KDM5B: variants seen among roughly 807,000 people sequenced by gnomAD.
The protein encoded by KDM5B is lysine-specific demethylase 5B.
Under a neutral mutation model 193.4 loss-of-function variants are expected in KDM5B, and 144 were observed. The observed-to-expected ratio is 0.74, with a 90% CI of 0.65 to 0.86. KDM5B has a LOEUF of 0.86. Ranked by LOEUF, KDM5B falls within the 40% of genes least tolerant of loss-of-function variation. The pLI is 0.00. For synonymous variants in KDM5B, 668 were observed against 682.6 expected (o/e 0.98, Z 0.33); for missense variants, 1,833 against 1,886.9 (o/e 0.97, Z 0.53).
At chr1:202,775,317 C>T (rs1656896571) in intron 2 of KDM5B, among the ~76,000 whole-genome samples, 1 of 151,748 alleles carries the variant, frequency 6.6e-6, no homozygotes, top group Admixed American at 6.6e-5. Flanking sequence ...ACGGGTGAAT[C>T]ACGAGGTCAG....
intron 20 of KDM5B, among the ~76,000 whole-genome samples, chr1:202,738,999 G>A (rs1655199374): frequency 6.6e-6 from 1 of 152,148 alleles, no homozygotes; most frequent in South Asian, 2.1e-4. Flanking sequence ...TATTTCTTTT[G>A]TAGGGTTGGG....
rs986176639 is a variant in KDM5B at position 202,729,079 on chromosome 1, A to G, written c.4592T>C (p.Ile1531Thr). 1.2e-6 allele frequency: 2 copies of G among 1,614,070 alleles called. No individual in the cohort carries two copies. The highest frequency in any genetic ancestry group is 1.7e-6 in the Non-Finnish European group (2 of 1,179,986). ...GTCCTTCACAGTACAGCGCACACAG[A>G]TGTAGTCTTCTTTCTCTGCCATCTC... ...SPEMAEKEDY[I>T]CVRCTVKDAP... The change falls in exon 27 of 27, where the codon ATC becomes ACC. Residue 1531 changes from isoleucine (I) to threonine (T), a missense_variant. Physicochemically the swap from Ile to Thr is moderately conservative, Grantham distance 89. This residue lies in a region of KDM5B where 1,379 missense variants were observed against 1,349.6 expected (regional missense o/e 1.02). Transcript: ENST00000367265.
intron 1 of KDM5B, among the ~76,000 whole-genome samples, chr1:202,794,953 C>T (rs1222507908): frequency 2.0e-5 from 3 of 152,158 alleles, no homozygotes; most frequent in Non-Finnish European, 4.4e-5. Flanking sequence ...TGGCTCACAC[C>T]TGTAATCCCA....
intron 14 of KDM5B, among the ~76,000 whole-genome samples, chr1:202,747,008 T>C (rs1655585971): frequency 6.6e-6 from 1 of 152,164 alleles, no homozygotes; most frequent in Non-Finnish European, 1.5e-5. Flanking sequence ...GGATACACCT[T>C]TTGTCATTTA....
intron 1 of KDM5B, among the ~76,000 whole-genome samples, chr1:202,784,962 A>G (rs1212311919): frequency 9.9e-5 from 15 of 151,332 alleles, no homozygotes; most frequent in Non-Finnish European, 4.4e-5. Flanking sequence ...TGAACCTGGG[A>G]GGCAAAGACT....
At chr1:202,741,904 T>C (rs1655358472) in intron 18 of KDM5B, among the ~76,000 whole-genome samples, 182 bp from the exon 19 acceptor site, 2 of 151,930 alleles carry the variant, frequency 1.3e-5, no homozygotes, top group Admixed American at 6.6e-5. Flanking sequence ...ACAGACACCT[T>C]ATCCCAGCTT....
chr1:202,808,082 G>C lies in KDM5B; in HGVS notation c.204+20C>G. ...CCTCCCCCAGCCACGAGCTGGATCCGGGGTGCTGGCGTGACTCACCGGCGG... is the reference window on the plus strand; with the variant it reads ...CCTCCCCCAGCCACGAGCTGGATCCCGGGTGCTGGCGTGACTCACCGGCGG... On this transcript the variant is annotated intron_variant, in intron 1 of 26. Transcript: ENST00000367265. 6.2e-7 allele frequency: 1 copy of C among 1,605,404 alleles called. No individual in the cohort carries two copies. Among genetic ancestry groups the C allele is most frequent in the Non-Finnish European group, 8.5e-7 (1 of 1,176,574 alleles).
intron 23 of KDM5B, among the ~76,000 whole-genome samples, 153 bp downstream of exon 23, chr1:202,733,248 A>G (rs1472137131): frequency 1.3e-5 from 2 of 152,250 alleles, no homozygotes; most frequent in African/African-American, 2.4e-5. Context: ...TTATACCTGC[A>G]TGGTCTTGAA....
intron 1 of KDM5B, among the ~76,000 whole-genome samples, chr1:202,786,166 A>T (rs1572767202): frequency 9.3e-6 from 1 of 107,104 alleles, no homozygotes; most frequent in Admixed American, 1.1e-4. Flanking sequence ...TGACCAGCTA[A>T]TTTTTTTTTT....
intron 20 of KDM5B, 45 bp from the exon 21 acceptor site, chr1:202,736,437 T>A (rs764586760): frequency 1.7e-5 from 24 of 1,431,936 alleles, no homozygotes; most frequent in Non-Finnish European, 2.2e-5. Context: ...AAAAGAACAC[T>A]TCTATGAAAA....
At chr1:202,761,259 G>A (rs192727372) in intron 7 of KDM5B, among the ~76,000 whole-genome samples, 7 of 152,068 alleles carry the variant, frequency 4.6e-5, no homozygotes, top group Admixed American at 2.6e-4. Context: ...GCAACATGGC[G>A]AGACACTGTC....
Position 202,741,655 on chromosome 1 carries a change from C to T in KDM5B, c.2657G>A (p.Ser886Asn), listed in dbSNP as rs1572714550. 2 of 1,614,092 alleles carry T rather than the reference C, an allele frequency of 1.2e-6. No individual in the cohort carries two copies. Among genetic ancestry groups the T allele is most frequent in the Non-Finnish European group, 1.7e-6 (2 of 1,179,988 alleles). ...SQKLLSEETP[S>N]AAELQDLLDV... is the part of the protein sequence containing the mutation. The stretch of plus-strand genomic sequence containing the variant: ...TAGCAAGTCCTGCAGCTCCGCAGCA[C>T]TAGGCGTTTCCTCAGAGAGTAGTTT... The change falls in exon 19 of 27, where the codon AGT becomes AAT. Residue 886 changes from serine (S) to asparagine (N), a missense_variant. Ser to Asn is a conservative substitution (Grantham distance 46). Coordinates refer to ENST00000367265, the MANE Select transcript of KDM5B (RefSeq NM_006618.5).
chr1:202,726,569 T>G lies in KDM5B; in HGVS notation c.*2467A>C, dbSNP rs1389133732. On this transcript the variant is annotated 3_prime_UTR_variant, in exon 27 of 27. Coordinates refer to ENST00000367265, the MANE Select transcript of KDM5B (RefSeq NM_006618.5). ...TGGTTCAGGCTCTAACTTAACACAG[T>G]CCCTTCCCCTCTCCCACCTCACAAA... The G allele has an allele frequency of 6.6e-6, 1 of 152,100 alleles. No individual in the cohort carries two copies. The highest frequency in any genetic ancestry group is 1.9e-4 in the East Asian group (1 of 5,190). 9.4% of individuals were successfully genotyped at this position (152,100 alleles called of 1,614,324 possible). A position where few individuals can be genotyped will look rare whatever the true frequency, so the allele number is the denominator to read the frequency against.
chr1:202,750,701 A>T lies in KDM5B; in HGVS notation c.1779T>A (p.Gly593=), dbSNP rs573836928. 3.1e-6 allele frequency: 5 copies of T among 1,614,000 alleles called. No homozygotes were observed. The South Asian group carries it at 5.5e-5, about 18-fold the overall frequency. ...AGTTAACAGCCTCAGCAAAATTAAA[A>T]CCCTGGTTAAAACCACTGTGGTAGG... The part of the protein sequence containing the change: ...PRAYHSGFNQ[G]FNFAEAVNFC... The change falls in exon 13 of 27, where the codon GGT becomes GGA. Residue 593 remains glycine (G), a synonymous_variant. Transcript: ENST00000367265.
intron 7 of KDM5B, among the ~76,000 whole-genome samples, chr1:202,760,797 T>G (rs1343305181): frequency 6.6e-6 from 1 of 152,224 alleles, no homozygotes; most frequent in Non-Finnish European, 1.5e-5. Context: ...TCTCCTAGCT[T>G]TCTCAACTGT....
chr1:202,753,550 C>G (rs1280844535), intron 11 of KDM5B, among the ~76,000 whole-genome samples: 1 of 75,200 alleles, frequency 1.3e-5, no homozygotes, highest in African/African-American at 2.9e-5. Context: ...TTTCCCCCTT[C>G]AAGTATGAAC....
At chr1:202,771,769 A>C (rs1284877609) in intron 4 of KDM5B, among the ~76,000 whole-genome samples, 2 of 151,286 alleles carry the variant, frequency 1.3e-5, no homozygotes, top group South Asian at 2.1e-4. Flanking sequence ...TTTAGTGGAG[A>C]CAGGGTTTCA....
chr1:202,783,760 A>C (rs1657295018), intron 1 of KDM5B, among the ~76,000 whole-genome samples: 2 of 152,158 alleles, frequency 1.3e-5, no homozygotes, highest in Non-Finnish European at 2.9e-5. Context: ...GGGCGCCTGT[A>C]GTCCCAGCTA....
At chr1:202,779,767 C>T (rs906726832) in intron 1 of KDM5B, among the ~76,000 whole-genome samples, 3 of 151,384 alleles carry the variant, frequency 2.0e-5, no homozygotes, top group Admixed American at 2.0e-4. Flanking sequence ...CATGCCTTTG[C>T]ACTCCAGCCT....
Sources: gnomAD v4.1 joint callset for allele counts (sites outside exome capture counted in the v4.1 genomes callset) on GRCh38, gnomAD v4.1.1 for gene constraint, gnomAD v4.1.1 regional missense constraint, MANE v1.5 for transcripts, NCBI Gene and HGNC (gene_info 2026-07-23, HGNC 2026-07-21) for gene names.